The following RNF38 variants were observed in gnomAD, a reference collection of about 807,000 sequenced individuals.
RNF38 encodes the protein ring finger protein 38, also known as E3 ubiquitin-protein ligase RNF38.
In RNF38, 15 loss-of-function variants were observed where a neutral mutation model predicts 67.2. The observed-to-expected ratio is 0.22, with a 90% CI of 0.15 to 0.34. The LOEUF (loss-of-function observed/expected upper bound fraction) is 0.34, where lower values mean the gene tolerates loss of function less well. Ranked by LOEUF, RNF38 falls within the 10% of genes least tolerant of loss-of-function variation. The pLI is 1.00. For missense variants in RNF38, 524 were observed against 639.9 expected (o/e 0.82, Z 1.95); for synonymous variants, 220 against 218.8 (o/e 1.01, Z -0.05).
upstream of RNF38, chr9:36,487,601 C>T (rs1840451912): frequency 1.0e-6 from 1 of 980,148 alleles, no homozygotes; most frequent in Non-Finnish European, 1.2e-6. Context: ...GACTCGACTC[C>T]GGCGCGGCAG....
At chr9:36,473,150 C>G (rs1840036007) in intron 1 of RNF38, among the ~76,000 whole-genome samples, 1 of 151,568 alleles carries the variant, frequency 6.6e-6, no homozygotes, top group African/African-American at 2.4e-5. Context: ...TAAATAAACA[C>G]AATAAATAAA....
chr9:36,434,002 C>G (rs1838998530), intron 1 of RNF38, among the ~76,000 whole-genome samples: 1 of 151,658 alleles, frequency 6.6e-6, no homozygotes, highest in African/African-American at 2.4e-5. Flanking sequence ...CTTAGGGAGG[C>G]CAAGGCAGGT....
chr9:36,351,800 G>A (rs766353916), intron 8 of RNF38, among the ~76,000 whole-genome samples: 27 of 152,168 alleles, frequency 1.8e-4, no homozygotes, highest in Non-Finnish European at 3.5e-4. Context: ...GGGGTTATAC[G>A]TGCCACTTCT....
intron 1 of RNF38, among the ~76,000 whole-genome samples, chr9:36,475,774 T>C (rs1840106566): frequency 6.7e-6 from 1 of 149,984 alleles, no homozygotes; most frequent in South Asian, 2.2e-4. Context: ...TCCCAGCACT[T>C]TGGGAGGCCG....
intron 1 of RNF38, among the ~76,000 whole-genome samples, chr9:36,478,274 G>C (rs953434611): frequency 7.3e-5 from 11 of 151,250 alleles, no homozygotes; most frequent in African/African-American, 2.4e-4. Context: ...CGTGGTAGCG[G>C]GCATCTGTAG....
intron 9 of RNF38, 149 bp from the exon 10 acceptor site, chr9:36,345,102 G>T: frequency 2.9e-6 from 2 of 699,496 alleles, no homozygotes; most frequent in South Asian, 6.1e-5. Context: ...CTGTGGCCTC[G>T]AACTCCTGAC....
At chr9:36,464,089 G>T (rs922614409) in intron 1 of RNF38, among the ~76,000 whole-genome samples, 1 of 151,904 alleles carries the variant, frequency 6.6e-6, no homozygotes, top group Non-Finnish European at 1.5e-5. Flanking sequence ...GCGTGAACCC[G>T]GGAGGTGGAG....
chr9:36,409,519 T>G (rs1027137142), intron 2 of RNF38, among the ~76,000 whole-genome samples: 8 of 152,020 alleles, frequency 5.3e-5, no homozygotes, highest in African/African-American at 1.9e-4. Flanking sequence ...CCTGAACGTC[T>G]TACTATTTCC....
At chr9:36,368,043 G>C (rs898613621) in intron 4 of RNF38, among the ~76,000 whole-genome samples, 2 of 152,076 alleles carry the variant, frequency 1.3e-5, no homozygotes, top group South Asian at 4.1e-4. Context: ...AGTAGAGACG[G>C]GGTTTCACCA....
At chr9:36,439,808 A>C (rs1384652990) in intron 1 of RNF38, among the ~76,000 whole-genome samples, 1 of 151,752 alleles carries the variant, frequency 6.6e-6, no homozygotes, top group African/African-American at 2.4e-5. Context: ...AAAAAAAAAA[A>C]AAACTTATCA....
At chr9:36,487,498 C>CGCGGCGGCGGCGGCTGCTGAGGCG (rs1371659877) in exon 1 of RNF38, 2 of 976,548 alleles carry the variant, frequency 2.0e-6, no homozygotes, top group African/African-American at 3.5e-5. Context: ...GCTGAAAGTG[C>CGCGGCGGCGGCGGCTGCTGAGGCG]GCGGCGGCGG....
At chr9:36,384,799 A>G (rs1205060581) in intron 2 of RNF38, among the ~76,000 whole-genome samples, 1 of 152,230 alleles carries the variant, frequency 6.6e-6, no homozygotes, top group African/African-American at 2.4e-5. Flanking sequence ...AAATTCAAGC[A>G]ATTTTCTTAT....
intron 4 of RNF38, among the ~76,000 whole-genome samples, chr9:36,366,910 T>C (rs991240753): frequency 1.3e-5 from 2 of 152,156 alleles, no homozygotes; most frequent in African/African-American, 2.4e-5. Flanking sequence ...CAGGGAGAAA[T>C]TGCCCCTGCT....
chr9:36,420,965 G>A (rs1838608959), intron 2 of RNF38, among the ~76,000 whole-genome samples: 1 of 152,088 alleles, frequency 6.6e-6, no homozygotes, highest in Admixed American at 6.6e-5. Flanking sequence ...ACTTTAAGCT[G>A]GAGAACAACA....
chr9:36,439,581 G>A (rs1839146684), intron 1 of RNF38, among the ~76,000 whole-genome samples: 1 of 151,998 alleles, frequency 6.6e-6, no homozygotes, highest in Non-Finnish European at 1.5e-5. Context: ...GAGGTGGGAG[G>A]ATCACTAGAG....
intron 1 of RNF38, among the ~76,000 whole-genome samples, chr9:36,437,833 G>C (rs1244867910): frequency 6.6e-6 from 1 of 152,192 alleles, no homozygotes; most frequent in Non-Finnish European, 1.5e-5. Flanking sequence ...AGAGGAGGAA[G>C]AAGAATGATA....
Position 36,339,524 on chromosome 9 carries a change from A to G in RNF38, c.*228T>C, listed in dbSNP as rs1247715172. ...GTTAGTGCACACACAAAATTAAGCT[A>G]AAGAAAAAGTCTTTGGAGTTCCAAT... is the stretch of plus-strand genomic sequence containing the variant. On this transcript the variant is annotated 3_prime_UTR_variant, in exon 12 of 12. Transcript: ENST00000259605. The G allele has an allele frequency of 2.1e-6, 1 of 483,716 alleles. No homozygotes were observed. Among genetic ancestry groups the G allele is most frequent in the African/African-American group, 1.9e-5 (1 of 52,292 alleles). The allele number at this position is 483,716 out of a possible 1,614,324, so 30.0% of individuals were successfully genotyped here.
At position 36,356,436 on chromosome 9, in the gene RNF38, G is replaced by C; in HGVS notation, c.776C>G (p.Pro259Arg). ...QACSVQHLPV[P>R]YAAFPPLISS... is the part of the protein sequence containing the mutation. ...AATAAGGGGTGGGAATGCAGCATAT[G>C]GTACTGGTAAGTGCTGAACTGAACA... The change falls in exon 6 of 12, where the codon CCA becomes CGA. Residue 259 changes from proline (P) to arginine (R), a missense_variant. Transcript: ENST00000259605. 6.2e-7 allele frequency: 1 copy of C among 1,613,258 alleles called. No homozygotes were observed. Among genetic ancestry groups the C allele is most frequent in the Non-Finnish European group, 8.5e-7 (1 of 1,179,592 alleles).
intron 2 of RNF38, chr9:36,424,584 C>G: frequency 1.0e-6 from 1 of 963,344 alleles, no homozygotes; most frequent in Non-Finnish European, 1.2e-6. Flanking sequence ...ATGCATTTTC[C>G]CCATGGCAGA....
Sources: gnomAD v4.1 joint callset for allele counts (sites outside exome capture counted in the v4.1 genomes callset) on GRCh38, gnomAD v4.1.1 for gene constraint, MANE v1.5 for transcripts, NCBI Gene and HGNC (gene_info 2026-07-23, HGNC 2026-07-21) for gene names.